Variants in PCDH11Y observed in about 807,000 individuals in gnomAD.
The protein encoded by PCDH11Y is protocadherin-11 Y-linked.
For synonymous variants in PCDH11Y, 9 were observed against 83.6 expected, an observed-to-expected ratio of 0.11 and a Z score of 4.87; for missense variants, 12 against 224.8, an observed-to-expected ratio of 0.05 and a Z score of 6.05.
At chrY:5,237,280 G>T in intron 2 of PCDH11Y, among the ~76,000 whole-genome samples, 1 of 33,101 alleles carries the variant, frequency 3.0e-5, no homozygotes, top group Non-Finnish European at 7.4e-5. Context: ...AAATACTATG[G>T]AAGCATGCTC....
chrY:5,136,689 A>C (rs1295434480), intron 2 of PCDH11Y, among the ~76,000 whole-genome samples: 145 of 33,390 alleles, frequency 4.3e-3, no homozygotes, highest in Admixed American at 0.018. Context: ...AATGTAGTGG[A>C]AACTTTCAAC....
intron 2 of PCDH11Y, among the ~76,000 whole-genome samples, chrY:5,199,524 T>G: frequency 3.1e-5 from 1 of 32,423 alleles, no homozygotes; most frequent in Non-Finnish European, 7.5e-5. Flanking sequence ...TGAACTCAGG[T>G]GATCCGCCTG....
intron 2 of PCDH11Y, among the ~76,000 whole-genome samples, chrY:5,435,449 A>G (rs1321125646): frequency 4.7e-4 from 14 of 29,748 alleles, no homozygotes; most frequent in Non-Finnish European, 9.6e-4. Flanking sequence ...GAGTAACTGG[A>G]ACTACAGGCG....
At chrY:5,466,667 AAG>A (rs2053308474) in intron 2 of PCDH11Y, among the ~76,000 whole-genome samples, 1 of 32,964 alleles carries the variant, frequency 3.0e-5, no homozygotes, top group African/African-American at 1.2e-4. Flanking sequence ...TACTCAGTAA[AAG>A]AGAGAAATTC....
intron 2 of PCDH11Y, among the ~76,000 whole-genome samples, chrY:5,178,820 C>T (rs1602881137): frequency 3.2e-5 from 1 of 31,610 alleles, no homozygotes; most frequent in Non-Finnish European, 7.7e-5. Context: ...TTTTCCCCCA[C>T]GTGTCCATAA....
chrY:5,381,080 T>C, intron 2 of PCDH11Y, among the ~76,000 whole-genome samples: 1 of 32,360 alleles, frequency 3.1e-5, no homozygotes, highest in Admixed American at 2.9e-4. Flanking sequence ...GCCTCCCCTG[T>C]GACATTTTTT....
At chrY:5,633,274 G>A in intron 4 of PCDH11Y, among the ~76,000 whole-genome samples, 1 of 33,210 alleles carries the variant, frequency 3.0e-5, no homozygotes, top group South Asian at 6.7e-4. Context: ...TTGTTTATCC[G>A]CTCATCAGTT....
chrY:5,108,045 CCA>C (rs2052795992), downstream of PCDH11Y, among the ~76,000 whole-genome samples: 5 of 15,665 alleles, frequency 3.2e-4, no homozygotes, highest in East Asian at 2.4e-3. Flanking sequence ...GGCGACAGAG[CCA>C]GAGGCTGTCT....
At chrY:5,687,386 T>G (rs2053564236) in intron 4 of PCDH11Y, among the ~76,000 whole-genome samples, 1 of 31,110 alleles carries the variant, frequency 3.2e-5, no homozygotes, top group Non-Finnish European at 7.8e-5. Context: ...GGCAGATCAC[T>G]AGGTCAGGAG....
intron 2 of PCDH11Y, among the ~76,000 whole-genome samples, chrY:5,117,523 G>A: frequency 3.1e-5 from 1 of 32,773 alleles, no homozygotes; most frequent in South Asian, 6.8e-4. Flanking sequence ...AAGCCTAACA[G>A]GAAAAGAGAA....
chrY:5,229,221 G>C, intron 2 of PCDH11Y, among the ~76,000 whole-genome samples: 1 of 28,968 alleles, frequency 3.5e-5, no homozygotes, highest in African/African-American at 1.3e-4. Context: ...TAATTTGTCT[G>C]ATACAAATAT....
chrY:5,562,490 G>A (rs2053429464), intron 3 of PCDH11Y, among the ~76,000 whole-genome samples: 3 of 33,441 alleles, frequency 9.0e-5, no homozygotes, highest in African/African-American at 3.5e-4. Flanking sequence ...GGCCGGGTGC[G>A]GTGGCTCACG....
At chrY:5,319,514 A>G in intron 2 of PCDH11Y, among the ~76,000 whole-genome samples, 1 of 33,744 alleles carries the variant, frequency 3.0e-5, no homozygotes, top group East Asian at 7.8e-4. Context: ...TTTAAATTAC[A>G]TTAAAGATAT....
intron 4 of PCDH11Y, among the ~76,000 whole-genome samples, chrY:5,699,172 G>T (rs1602961555): frequency 2.9e-5 from 1 of 33,951 alleles, no homozygotes; most frequent in East Asian, 8.2e-4. Context: ...AAAGATGGCT[G>T]CCTGCTCCTT....
At chrY:5,472,560 C>T in intron 2 of PCDH11Y, among the ~76,000 whole-genome samples, 2 of 32,150 alleles carry the variant, frequency 6.2e-5, no homozygotes, top group Non-Finnish European at 1.5e-4. Context: ...TCATTTGAAA[C>T]TCTTAGTCCC....
intron 2 of PCDH11Y, among the ~76,000 whole-genome samples, chrY:5,280,068 C>T: frequency 1.8e-4 from 4 of 22,044 alleles, no homozygotes; most frequent in South Asian, 1.3e-3. Context: ...TATCATATTT[C>T]GTTGCTATAT....
At chrY:5,093,938 C>T in intron 1 of PCDH11Y, among the ~76,000 whole-genome samples, 1 of 32,815 alleles carries the variant, frequency 3.0e-5, no homozygotes, top group Admixed American at 2.7e-4. Context: ...AGATATTATA[C>T]ATTTAAACAA....
At chrY:5,122,668 C>A (rs2124640229) in intron 2 of PCDH11Y, among the ~76,000 whole-genome samples, 1 of 31,940 alleles carries the variant, frequency 3.1e-5, no homozygotes, top group Non-Finnish European at 7.6e-5. Flanking sequence ...AATCCAGCTG[C>A]TTCAGGATGA....
chrY:5,228,567 AACTTTCCCCTTGAT>A (rs2052963598), intron 2 of PCDH11Y, among the ~76,000 whole-genome samples: 1 of 29,536 alleles, frequency 3.4e-5, no homozygotes, highest in South Asian at 7.8e-4. Context: ...TATAGCCATA[AACTTTCCCCTTGAT>A]ACTGCTTTTG....
Sources: gnomAD v4.1 joint callset for allele counts (sites outside exome capture counted in the v4.1 genomes callset) on GRCh38, gnomAD v4.1.1 for gene constraint, MANE v1.5 for transcripts, NCBI Gene and HGNC (gene_info 2026-07-23, HGNC 2026-07-21) for gene names.